The following ZNF827 variants were observed in gnomAD, a reference collection of about 807,000 sequenced individuals.
ZNF827 encodes the protein zinc finger protein 827.
In ZNF827, 13 loss-of-function variants were observed where a neutral mutation model predicts 102.4. That is an observed-to-expected ratio of 0.13 (90% CI 0.08 to 0.20). The LOEUF (loss-of-function observed/expected upper bound fraction) is 0.20, where lower values mean the gene tolerates loss of function less well. Ranked by LOEUF, ZNF827 falls within the 10% of genes least tolerant of loss-of-function variation. ZNF827 has a pLI of 1.00. For missense variants in ZNF827, 1,103 were observed against 1,344.4 expected, an observed-to-expected ratio of 0.82 and a Z score of 2.81; for synonymous variants, 523 against 536.2, an observed-to-expected ratio of 0.98 and a Z score of 0.34.
At chr4:145,899,799 G>A (rs116740009) in intron 2 of ZNF827, among the ~76,000 whole-genome samples, 586 of 152,288 alleles carry the variant, frequency 3.8e-3, no homozygotes, top group Non-Finnish European at 5.7e-3. Flanking sequence ...GGGGTGGGGA[G>A]GCCTTAGGTA....
chr4:145,908,798 A>G (rs1365441871), intron 1 of ZNF827, among the ~76,000 whole-genome samples: 1 of 152,226 alleles, frequency 6.6e-6, no homozygotes, highest in Non-Finnish European at 1.5e-5. Context: ...CAGAAGAGTG[A>G]GGGTTTCACA....
At position 145,928,385 on chromosome 4, in the gene ZNF827, C is replaced by T. The variant is rs577442003; in HGVS notation, c.43+9980G>A. Among the ~76,000 whole-genome samples, 15 of 152,272 alleles carry T rather than the reference C, an allele frequency of 9.9e-5. No individual in the cohort carries two copies. The South Asian group carries it at 3.1e-3, about 32-fold the overall frequency. The stretch of plus-strand genomic sequence containing the variant: ...TGATTCTAATACATCTGGTTGAGAA[C>T]CACTGGGTTGGCTGATGGTGATCAG... On this transcript the variant is annotated intron_variant, in intron 1 of 14. Coordinates refer to ENST00000508784, the MANE Select transcript of ZNF827 (RefSeq NM_001306215.2).
At chr4:145,857,887 TA>T (rs1489704101) in intron 5 of ZNF827, among the ~76,000 whole-genome samples, 13 of 152,200 alleles carry the variant, frequency 8.5e-5, no homozygotes, top group South Asian at 8.3e-4. Flanking sequence ...TGATCTCATT[TA>T]AAAAAAATTA....
intron 4 of ZNF827, among the ~76,000 whole-genome samples, chr4:145,879,590 T>C (rs1366814492): frequency 6.6e-6 from 1 of 152,190 alleles, no homozygotes; most frequent in Admixed American, 6.5e-5. Flanking sequence ...ATGACTCTTT[T>C]ATAGTTATTT....
intron 2 of ZNF827, among the ~76,000 whole-genome samples, chr4:145,893,216 G>A (rs973628008): frequency 6.6e-6 from 1 of 152,182 alleles, no homozygotes; most frequent in East Asian, 1.9e-4. Flanking sequence ...ATAAAGCTAA[G>A]GTCGCTCTCA....
chr4:145,818,664 C>T (rs866875266), intron 8 of ZNF827, among the ~76,000 whole-genome samples: 4 of 152,172 alleles, frequency 2.6e-5, no homozygotes, highest in Admixed American at 6.5e-5. Flanking sequence ...TAGATTTATA[C>T]GTGTGTCTCT....
Position 145,779,382 on chromosome 4 carries a change from A to G in ZNF827, c.2513T>C (p.Leu838Pro). The change falls in exon 9 of 15, where the codon CTG becomes CCG. Residue 838 changes from leucine (L) to proline (P), a missense_variant. Physicochemically the swap from Leu to Pro is moderately conservative, Grantham distance 98. Coordinates refer to ENST00000508784, the MANE Select transcript of ZNF827 (RefSeq NM_001306215.2). ...RQQTLSRHLS[L>P]HTEERKYKCH... ...AGGCCCTACTCACTCACCTGTGTGC[A>G]GCGAGAGGTGTCGGGACAATGTCTG... 7.4e-6 allele frequency: 12 copies of G among 1,614,078 alleles called. No individual in the cohort carries two copies. The highest frequency in any genetic ancestry group is 1.0e-5 in the Non-Finnish European group (12 of 1,179,948).
chr4:145,913,693 A>G (rs929256241), intron 1 of ZNF827, among the ~76,000 whole-genome samples: 1 of 152,186 alleles, frequency 6.6e-6, no homozygotes, highest in African/African-American at 2.4e-5. Flanking sequence ...CAAAAGGCAC[A>G]TAGAATCTGT....
chr4:145,923,604 A>G (rs973068163), intron 1 of ZNF827, among the ~76,000 whole-genome samples: 36 of 151,894 alleles, frequency 2.4e-4, no homozygotes, highest in African/African-American at 8.5e-4. Context: ...CTCCATCTCA[A>G]AAAAAAAGAC....
At chr4:145,925,904 T>C (rs1482730676) in intron 1 of ZNF827, among the ~76,000 whole-genome samples, 1 of 152,228 alleles carries the variant, frequency 6.6e-6, no homozygotes, top group Non-Finnish European at 1.5e-5. Flanking sequence ...ATCTGCTGTT[T>C]CATTTTTGGT....
At chr4:145,809,387 C>T (rs1741797831) in intron 8 of ZNF827, among the ~76,000 whole-genome samples, 1 of 152,162 alleles carries the variant, frequency 6.6e-6, no homozygotes. Context: ...GGGCCTAGGG[C>T]AGGCTAACCA....
In ZNF827 at chr4:145,826,197, A is replaced by G. The variant is rs72954620; in HGVS notation, c.2280-2672T>C. Among the ~76,000 whole-genome samples the G allele has an allele frequency of 8.2e-3, 1,251 of 152,362 alleles. 24 individuals carry two copies. The highest frequency in any genetic ancestry group is 0.028 in the African/African-American group (1,154 of 41,580). On this transcript the variant is annotated intron_variant, in intron 7 of 14. Coordinates refer to ENST00000508784, the MANE Select transcript of ZNF827 (RefSeq NM_001306215.2). The stretch of plus-strand genomic sequence containing the variant: ...GTCTGAATTTCATATTGGTTACTTC[A>G]TAGTTAAGGGACCTTTGGACAATCA...
chr4:145,916,631 G>A (rs1752685539), intron 1 of ZNF827, among the ~76,000 whole-genome samples: 1 of 152,092 alleles, frequency 6.6e-6, no homozygotes, highest in Admixed American at 6.6e-5. Context: ...CCACATCTAT[G>A]GTTTCCTCTC....
chr4:145,773,738 C>T (rs1736629630), intron 11 of ZNF827, among the ~76,000 whole-genome samples: 1 of 152,158 alleles, frequency 6.6e-6, no homozygotes, highest in South Asian at 2.1e-4. Context: ...TTGGCCATGG[C>T]CTAGACAGTG....
At chr4:145,878,128 G>C (rs868418406) in intron 4 of ZNF827, among the ~76,000 whole-genome samples, 1 of 152,154 alleles carries the variant, frequency 6.6e-6, no homozygotes, top group African/African-American at 2.4e-5. Context: ...GTTTGTAAAT[G>C]ATTTTTGTCA....
intron 7 of ZNF827, among the ~76,000 whole-genome samples, chr4:145,830,018 C>G (rs1029623196): frequency 6.6e-6 from 1 of 152,120 alleles, no homozygotes; most frequent in Non-Finnish European, 1.5e-5. Flanking sequence ...CCAAAAGCCA[C>G]GAGAAAAGGC....
chr4:145,913,782 C>T (rs111413020), intron 1 of ZNF827, among the ~76,000 whole-genome samples: 10 of 152,284 alleles, frequency 6.6e-5, no homozygotes, highest in African/African-American at 2.2e-4. Flanking sequence ...GCTGATAAAT[C>T]GGTTGATTAT....
At chr4:145,921,470 CAAAAAAAAAAAAA>C (rs35423633) in intron 1 of ZNF827, among the ~76,000 whole-genome samples, 2 of 54,122 alleles carry the variant, frequency 3.7e-5, no homozygotes, top group Admixed American at 2.3e-4. Flanking sequence ...GAGACTCAGG[CAAAAAAAAAAAAA>C]AAAAAAAAAA....
At chr4:145,891,441 C>G (rs1020410329) in intron 3 of ZNF827, among the ~76,000 whole-genome samples, 1 of 152,176 alleles carries the variant, frequency 6.6e-6, no homozygotes. Flanking sequence ...GAGACAAAAC[C>G]CTTTGCATTA....
Sources: gnomAD v4.1 joint callset for allele counts (sites outside exome capture counted in the v4.1 genomes callset) on GRCh38, gnomAD v4.1.1 for gene constraint, MANE v1.5 for transcripts, NCBI Gene and HGNC (gene_info 2026-07-23, HGNC 2026-07-21) for gene names.